The following CHRM5 variants were observed in gnomAD, a reference collection of about 807,000 sequenced individuals.
CHRM5 encodes muscarinic acetylcholine receptor M5.
CHRM5 carries 18 observed loss-of-function variants against 39.0 expected under a neutral mutation model. That is an observed-to-expected ratio of 0.46 (90% confidence interval 0.32 to 0.68). The LOEUF (loss-of-function observed/expected upper bound fraction) is 0.68, where lower values mean the gene tolerates loss of function less well. Among genes scored for constraint, CHRM5 ranks in the 30% least tolerant of loss-of-function variants. The pLI, the probability that CHRM5 is intolerant of heterozygous loss-of-function variation, is 0.04. For synonymous variants in CHRM5, 241 were observed against 246.3 expected, an observed-to-expected ratio of 0.98 and a Z score of 0.20; for missense variants, 515 against 651.1, an observed-to-expected ratio of 0.79 and a Z score of 2.28.
intron 1 of CHRM5, among the ~76,000 whole-genome samples, chr15:33,976,357 C>T (rs1273196376): frequency 2.6e-5 from 4 of 152,150 alleles, no homozygotes; most frequent in Non-Finnish European, 5.9e-5. Context: ...TGAGTAATGT[C>T]GCTTTTTTCT....
At chr15:34,053,501 A>G (rs1278373327) in intron 2 of CHRM5, among the ~76,000 whole-genome samples, 1 of 151,750 alleles carries the variant, frequency 6.6e-6, no homozygotes, top group Non-Finnish European at 1.5e-5. Flanking sequence ...ATGGAACAGA[A>G]TAGAGAATTC....
intron 1 of CHRM5, among the ~76,000 whole-genome samples, chr15:33,988,964 T>C (rs918853481): frequency 2.6e-5 from 4 of 152,258 alleles, no homozygotes; most frequent in African/African-American, 9.6e-5. Flanking sequence ...ATTTGATTTT[T>C]TTTTCCTTTG....
chr15:33,989,008 C>G (rs183236612), intron 1 of CHRM5, among the ~76,000 whole-genome samples: 2 of 152,090 alleles, frequency 1.3e-5, no homozygotes, highest in East Asian at 3.9e-4. Context: ...ATTATTAAAC[C>G]ATTTCTCAGG....
chr15:34,053,188 T>G (rs1899993324), intron 2 of CHRM5, among the ~76,000 whole-genome samples: 1 of 150,130 alleles, frequency 6.7e-6, no homozygotes, highest in Non-Finnish European at 1.5e-5. Flanking sequence ...CAGTCCCAGC[T>G]ACTCAGGAGG....
intron 1 of CHRM5, among the ~76,000 whole-genome samples, chr15:34,001,099 C>T (rs970127149): frequency 3.4e-5 from 5 of 149,138 alleles, no homozygotes; most frequent in Non-Finnish European, 5.9e-5. Context: ...CAGCTCACTA[C>T]AACCCCCACC....
intron 2 of CHRM5, among the ~76,000 whole-genome samples, chr15:34,050,450 G>C (rs1426743193): frequency 6.6e-6 from 1 of 152,162 alleles, no homozygotes; most frequent in East Asian, 1.9e-4. Context: ...AAAAATGTCT[G>C]CAAAATAACC....
chr15:33,996,507 G>T (rs1256019326), intron 1 of CHRM5, among the ~76,000 whole-genome samples: 1 of 152,188 alleles, frequency 6.6e-6, no homozygotes, highest in Non-Finnish European at 1.5e-5. Flanking sequence ...AGCAACATTT[G>T]CTGTCCTGCA....
intron 1 of CHRM5, among the ~76,000 whole-genome samples, chr15:34,036,092 A>T (rs1296834314): frequency 1.3e-5 from 2 of 148,336 alleles, no homozygotes; most frequent in Non-Finnish European, 3.0e-5. Flanking sequence ...CACCACACCC[A>T]GCCAGTTTTG....
At chr15:34,046,430 T>C (rs1439268760) in intron 1 of CHRM5, 110 bp from the exon 2 acceptor site, 1 of 151,956 alleles carries the variant, frequency 6.6e-6, no homozygotes, top group Non-Finnish European at 1.5e-5. Flanking sequence ...AAAATTTTTT[T>C]AACTCAAGTG....
intron 1 of CHRM5, among the ~76,000 whole-genome samples, chr15:34,013,835 G>A (rs565471128): frequency 8.1e-4 from 124 of 152,234 alleles, no homozygotes; most frequent in African/African-American, 2.9e-3. Context: ...GAGTATGTAC[G>A]AGGACCCATG....
At chr15:34,023,781 A>G (rs543572043) in intron 1 of CHRM5, among the ~76,000 whole-genome samples, 2 of 152,324 alleles carry the variant, frequency 1.3e-5, no homozygotes, top group South Asian at 4.1e-4. Context: ...TAGCAACTAA[A>G]AAGACCTAAT....
intron 1 of CHRM5, among the ~76,000 whole-genome samples, chr15:34,002,807 G>A (rs978860466): frequency 4.6e-5 from 7 of 152,004 alleles, no homozygotes; most frequent in South Asian, 2.1e-4. Flanking sequence ...TTTATCTATC[G>A]CAAAGACTTT....
chr15:34,000,539 A>G (rs1897098503), intron 1 of CHRM5, among the ~76,000 whole-genome samples: 1 of 152,194 alleles, frequency 6.6e-6, no homozygotes, highest in Non-Finnish European at 1.5e-5. Flanking sequence ...GGAACCAACA[A>G]TATTTTTTCT....
At chr15:33,989,818 A>T (rs927227491) in intron 1 of CHRM5, among the ~76,000 whole-genome samples, 9 of 151,552 alleles carry the variant, frequency 5.9e-5, no homozygotes, top group Non-Finnish European at 1.3e-4. Context: ...AATTATCTTA[A>T]TTTTTTTAAG....
At chr15:34,056,797 A>C (rs1287045201) in intron 2 of CHRM5, among the ~76,000 whole-genome samples, 1 of 152,156 alleles carries the variant, frequency 6.6e-6, no homozygotes, top group Non-Finnish European at 1.5e-5. Flanking sequence ...CAGGCAGATC[A>C]CTTGAGGCCA....
chr15:34,034,768 G>T (rs1899038679), intron 1 of CHRM5, among the ~76,000 whole-genome samples: 1 of 152,168 alleles, frequency 6.6e-6, no homozygotes, highest in African/African-American at 2.4e-5. Flanking sequence ...TGTGTGCAAT[G>T]GTTTGCAGCA....
chr15:34,002,411 C>G (rs1431890569), intron 1 of CHRM5, among the ~76,000 whole-genome samples: 1 of 152,050 alleles, frequency 6.6e-6, no homozygotes, highest in Non-Finnish European at 1.5e-5. Flanking sequence ...AGGGACCCTG[C>G]AGCCATCTGT....
At chr15:33,972,615 G>A (rs1366099139) in intron 1 of CHRM5, 1 of 152,146 alleles carries the variant, frequency 6.6e-6, no homozygotes, top group African/African-American at 2.4e-5. Context: ...ACAAATATTT[G>A]TAAAAAATAA....
chr15:34,058,580 A>ACACACAC (rs1900236304), intron 2 of CHRM5, among the ~76,000 whole-genome samples: 1 of 151,768 alleles, frequency 6.6e-6, no homozygotes, highest in Non-Finnish European at 1.5e-5. Flanking sequence ...ACACACACAC[A>ACACACAC]CACACACACA....
Sources: allele counts gnomAD v4.1 joint callset (sites outside exome capture counted in the v4.1 genomes callset), GRCh38; gene constraint gnomAD v4.1.1; transcripts MANE v1.5; gene names NCBI Gene and HGNC (gene_info 2026-07-23, HGNC 2026-07-21).